INSR: variants seen among roughly 807,000 people sequenced by gnomAD.
The protein encoded by INSR is IR.
In INSR, 67 loss-of-function variants were observed where a neutral mutation model predicts 142.6. The ratio of observed to expected loss-of-function variants is 0.47; its 90% CI spans 0.39 to 0.58. The LOEUF (loss-of-function observed/expected upper bound fraction) is 0.58. INSR is among the 20% of genes least tolerant of loss of function. The probability of loss-of-function intolerance (pLI) is 0.00; values close to 1 mark genes in which losing one functional copy is unlikely to be tolerated. For missense variants in INSR, 1,248 were observed against 1,833.2 expected, an observed-to-expected ratio of 0.68 and a Z score of 5.83; for synonymous variants, 756 against 743.1, an observed-to-expected ratio of 1.02 and a Z score of -0.28.
intron 2 of INSR, among the ~76,000 whole-genome samples, chr19:7,265,173 G>T (rs1967682907): frequency 1.3e-5 from 2 of 152,154 alleles, no homozygotes; most frequent in Admixed American, 1.3e-4. Flanking sequence ...GTGTGAATGT[G>T]GAATTGCCTC....
At chr19:7,290,838 G>A (rs1320170874) in intron 1 of INSR, among the ~76,000 whole-genome samples, 2 of 151,236 alleles carry the variant, frequency 1.3e-5, no homozygotes, top group African/African-American at 2.4e-5. Flanking sequence ...TTGGGAGGCC[G>A]AGGCGGGTGG....
chr19:7,221,446 G>A (rs1316150387), intron 2 of INSR, among the ~76,000 whole-genome samples: 2 of 150,398 alleles, frequency 1.3e-5, no homozygotes, highest in Admixed American at 6.7e-5. Context: ...CAGTGGCCAC[G>A]CCTGTAATCC....
intron 2 of INSR, among the ~76,000 whole-genome samples, chr19:7,204,067 A>C (rs1017848835): frequency 6.6e-6 from 1 of 151,512 alleles, no homozygotes. Context: ...GGTTCAAGCA[A>C]TTCTCCTGCC....
In INSR at chr19:7,269,309, GA is replaced by G. The variant is rs971677803; in HGVS notation, c.101-1414del. On this transcript the variant is annotated intron_variant, in intron 1 of 21. Coordinates refer to ENST00000302850, the MANE Select transcript of INSR (RefSeq NM_000208.4). ...AAACACAGCAAAAGCAAACAAATGG[GA>G]AAAAAAAAGTAGCAGTGATCCTGGA... 8.2e-5 allele frequency among the ~76,000 whole-genome samples: 12 copies of G among 146,178 alleles called. No individual in the cohort carries two copies. The East Asian group carries it at 1.6e-3, about 20-fold the overall frequency.
At chr19:7,143,453 A>G (rs1264861809) in intron 11 of INSR, among the ~76,000 whole-genome samples, 3 of 152,238 alleles carry the variant, frequency 2.0e-5, no homozygotes, top group Admixed American at 6.5e-5. Flanking sequence ...AAAAGCACGT[A>G]AGAGTCTAGC....
At chr19:7,223,249 A>G (rs995268289) in intron 2 of INSR, among the ~76,000 whole-genome samples, 3 of 152,178 alleles carry the variant, frequency 2.0e-5, no homozygotes, top group African/African-American at 7.2e-5. Flanking sequence ...CACTCACTAC[A>G]CTTTACATGT....
Position 7,128,227 on chromosome 19 carries a change from T to C in INSR, c.2945+625A>G, listed in dbSNP as rs556651113. ...AGTTTTGTCCTACTTTTTTTTTTTT[T>C]CCCGAGACGGAGTCTCCCTCTGTCG... On this transcript the variant is annotated intron_variant, in intron 15 of 21. Transcript: ENST00000302850. Among the ~76,000 whole-genome samples, 19 of 151,516 alleles carry C rather than the reference T, an allele frequency of 1.3e-4. No homozygotes were observed. The East Asian group carries it at 1.8e-3, about 14-fold the overall frequency.
chr19:7,293,847 C>T lies in INSR; in HGVS notation c.45G>A (p.Leu15=). The T allele has an allele frequency of 7.8e-7, 1 of 1,276,376 alleles. No homozygotes were observed. Among genetic ancestry groups the T allele is most frequent in the Non-Finnish European group, 9.8e-7 (1 of 1,017,472 alleles). 79.1% of individuals were successfully genotyped at this position (1,276,376 alleles called of 1,614,324 possible). ...CCAGTAGCAGCGCGGCCACCGCCAC[C>T]AGCAGCGGCGCGGCCGCCGCCCCCC... ...GRRGAAAAPL[L]VAVAALLLGA... The change falls in exon 1 of 22, where the codon CTG becomes CTA. Residue 15 remains leucine (L), a synonymous_variant. Transcript: ENST00000302850.
intron 2 of INSR, among the ~76,000 whole-genome samples, chr19:7,234,931 A>G (rs1976110779): frequency 6.6e-6 from 1 of 151,872 alleles, no homozygotes; most frequent in Admixed American, 6.6e-5. Context: ...GGTGGAGGGC[A>G]CCTGTAGTCC....
chr19:7,143,196 A>G (rs1298592859), intron 11 of INSR, 106 bp from the exon 12 acceptor site: 3 of 1,274,752 alleles, frequency 2.4e-6, no homozygotes, highest in Admixed American at 3.6e-5. Flanking sequence ...ATCAGAGCGC[A>G]GGAGGGTGCA....
intron 19 of INSR, 33 bp from the exon 20 acceptor site, chr19:7,120,782 C>T: frequency 6.2e-7 from 1 of 1,610,850 alleles, no homozygotes. Flanking sequence ...CGCTCTTAAC[C>T]TTCAGCCTTG....
In INSR at chr19:7,137,966, C is replaced by CT. The variant is rs537243579; in HGVS notation, c.2682+3710dup. On this transcript the variant is annotated intron_variant, in intron 13 of 21. Coordinates refer to ENST00000302850, the MANE Select transcript of INSR (RefSeq NM_000208.4). ...TTCCTTTTTCTTCTTTTTTCTTTTT[C>CT]TTTTTTTTTTTTTTTGAGATGGAGT... 8.5e-3 allele frequency among the ~76,000 whole-genome samples: 1,141 copies of CT among 133,686 alleles called. 10 individuals are homozygous for CT. The highest frequency in any genetic ancestry group is 0.021 in the African/African-American group (716 of 34,646). The allele number at this position is 133,686 out of a possible 152,430, so 87.7% of individuals were successfully genotyped here. A position where few individuals can be genotyped will look rare whatever the true frequency, so the allele number is the denominator to read the frequency against.
At chr19:7,289,938 A>G (rs1968447384) in intron 1 of INSR, among the ~76,000 whole-genome samples, 1 of 152,190 alleles carries the variant, frequency 6.6e-6, no homozygotes, top group South Asian at 2.1e-4. Context: ...ATCCAGCCCC[A>G]AATGTCAGCA....
chr19:7,132,017 C>G (rs1464800574), intron 14 of INSR, 141 bp downstream of exon 14: 5 of 1,005,944 alleles, frequency 5.0e-6, no homozygotes, highest in Non-Finnish European at 6.2e-6. Flanking sequence ...TCAAAGAGGG[C>G]AAGCACCGCA....
intron 9 of INSR, among the ~76,000 whole-genome samples, chr19:7,162,273 G>A (rs1385995800): frequency 6.8e-6 from 1 of 147,086 alleles, no homozygotes; most frequent in East Asian, 2.0e-4. Flanking sequence ...GTTGCAATGA[G>A]CCGAGATCAT....
At chr19:7,246,142 C>T (rs1600086822) in intron 2 of INSR, among the ~76,000 whole-genome samples, 1 of 152,222 alleles carries the variant, frequency 6.6e-6, no homozygotes, top group East Asian at 1.9e-4. Context: ...GTTTCCCACT[C>T]CAGGGTTCTT....
chr19:7,233,239 C>G (rs1976045069), intron 2 of INSR, among the ~76,000 whole-genome samples: 1 of 152,110 alleles, frequency 6.6e-6, no homozygotes, highest in African/African-American at 2.4e-5. Context: ...GGTGATCCAC[C>G]CACCTCAGCC....
chr19:7,153,033 C>CCCCCCACACACAT (rs1973429003), intron 9 of INSR, 106 bp from the exon 10 acceptor site: 1 of 491,218 alleles, frequency 2.0e-6, no homozygotes, highest in East Asian at 4.8e-5. Context: ...ACACCACACA[C>CCCCCCACACACAT]ACACACACCA....
chr19:7,250,047 T>C (rs1199192242), intron 2 of INSR, among the ~76,000 whole-genome samples: 1 of 151,940 alleles, frequency 6.6e-6, no homozygotes, highest in African/African-American at 2.4e-5. Flanking sequence ...TAGTCCCAAC[T>C]ACTCTGGAGG....
Sources: gnomAD v4.1 joint callset for allele counts (sites outside exome capture counted in the v4.1 genomes callset) on GRCh38, gnomAD v4.1.1 for gene constraint, MANE v1.5 for transcripts, NCBI Gene and HGNC (gene_info 2026-07-23, HGNC 2026-07-21) for gene names.